Variants in OPRK1 observed in about 807,000 individuals in gnomAD.
OPRK1 encodes kappa-type opioid receptor.
In OPRK1, 15 loss-of-function variants were observed where a neutral mutation model predicts 24.5. The observed-to-expected ratio is 0.61, with a 90% CI of 0.41 to 0.94. OPRK1 has a LOEUF of 0.94. OPRK1 is among the 40% of genes least tolerant of loss of function. OPRK1 has a pLI of 0.00. For synonymous variants in OPRK1, 205 were observed against 198.0 expected, an observed-to-expected ratio of 1.04 and a Z score of -0.30; for missense variants, 479 against 507.3, an observed-to-expected ratio of 0.94 and a Z score of 0.54.
chr8:53,241,864 A>T (rs1477691251), intron 2 of OPRK1, among the ~76,000 whole-genome samples: 1 of 152,212 alleles, frequency 6.6e-6, no homozygotes, highest in Non-Finnish European at 1.5e-5. Flanking sequence ...GGTAACGGGG[A>T]GCGATGATTC....
intron 2 of OPRK1, among the ~76,000 whole-genome samples, chr8:53,244,746 G>A (rs919614300): frequency 2.6e-5 from 4 of 152,188 alleles, no homozygotes; most frequent in African/African-American, 9.7e-5. Context: ...ACTGAAGCTT[G>A]ACAGAGTGTC....
At chr8:53,242,161 G>A (rs533403468) in intron 2 of OPRK1, among the ~76,000 whole-genome samples, 1 of 152,328 alleles carries the variant, frequency 6.6e-6, no homozygotes, top group Non-Finnish European at 1.5e-5. Context: ...GTCAAAGCAA[G>A]CCACAGAGCG....
intron 2 of OPRK1, among the ~76,000 whole-genome samples, chr8:53,237,045 T>C (rs1202066955): frequency 1.3e-5 from 2 of 152,174 alleles, no homozygotes; most frequent in African/African-American, 4.8e-5. Context: ...CTATAATATT[T>C]ATCTCATAGA....
intron 2 of OPRK1, among the ~76,000 whole-genome samples, chr8:53,247,990 CAAAAAAA>C (rs767911838): frequency 4.9e-4 from 16 of 32,336 alleles, no homozygotes; most frequent in East Asian, 9.0e-4. Context: ...GATTCTGTCT[CAAAAAAA>C]AAAAAAAAAA....
chr8:53,235,064 G>A lies in OPRK1; in HGVS notation c.305C>T (p.Ala102Val). 1.2e-6 allele frequency: 2 copies of A among 1,614,204 alleles called. No homozygotes were observed. The highest frequency in any genetic ancestry group is 2.2e-5 in the South Asian group (2 of 91,084). ...TATNIYIFNL[A>V]LADALVTTTM... Reference sequence around the variant, plus strand: ...TGTAGTAACTAAAGCATCTGCCAAAGCCAGGTTAAATATGTAAATGTTGGT... The same window carrying A: ...TGTAGTAACTAAAGCATCTGCCAAAACCAGGTTAAATATGTAAATGTTGGT... Residue 102 changes from alanine (A) to valine (V), a missense_variant, in exon 3 of 4, where the codon GCT (alanine) becomes GTT (valine). Physicochemically the swap from Ala to Val is moderately conservative, Grantham distance 64 (BLOSUM62 0). Coordinates refer to ENST00000265572, the MANE Select transcript of OPRK1 (RefSeq NM_000912.5).
Position 53,232,467 on chromosome 8 carries a change from C to T in OPRK1, c.610+2292G>A, listed in dbSNP as rs189643858. On this transcript the variant is annotated intron_variant, in intron 3 of 3. Transcript: ENST00000265572. ...CCCAATTACCCTAATTTGATCATTA[C>T]ACATTGTATGCTTGTATCAAAATAG... Among the ~76,000 whole-genome samples, 365 of 152,278 alleles carry T rather than the reference C, an allele frequency of 2.4e-3. 1 individual carries two copies. The highest frequency in any genetic ancestry group is 8.5e-3 in the African/African-American group (354 of 41,550).
chr8:53,249,188 G>A (rs1807307699), intron 2 of OPRK1, among the ~76,000 whole-genome samples: 2 of 152,060 alleles, frequency 1.3e-5, no homozygotes, highest in Non-Finnish European at 2.9e-5. Context: ...ATATGTATCT[G>A]TTTTACTTGA....
chr8:53,234,731 A>G (rs1806947080), intron 3 of OPRK1, 28 bp downstream of exon 3: 1 of 1,569,208 alleles, frequency 6.4e-7, no homozygotes, highest in Non-Finnish European at 8.7e-7. Flanking sequence ...CTACATTTTT[A>G]TGAACAGAAT....
chr8:53,246,319 C>A (rs1807226925), intron 2 of OPRK1, among the ~76,000 whole-genome samples: 1 of 152,100 alleles, frequency 6.6e-6, no homozygotes, highest in South Asian at 2.1e-4. Context: ...GGTGAAGGAG[C>A]ATCAGGGGGA....
intron 2 of OPRK1, among the ~76,000 whole-genome samples, chr8:53,244,928 T>C (rs1807195201): frequency 6.6e-6 from 1 of 152,186 alleles, no homozygotes; most frequent in Non-Finnish European, 1.5e-5. Flanking sequence ...CCAAAATCCA[T>C]GGATGCTCCA....
chr8:53,238,269 AC>A (rs1807039473), intron 2 of OPRK1, among the ~76,000 whole-genome samples: 6 of 152,218 alleles, frequency 3.9e-5, no homozygotes, highest in Admixed American at 3.9e-4. Flanking sequence ...ACACTGCTTT[AC>A]AAAAATTCAC....
chr8:53,244,352 G>A (rs1210316347), intron 2 of OPRK1, among the ~76,000 whole-genome samples: 1 of 152,244 alleles, frequency 6.6e-6, no homozygotes, highest in East Asian at 1.9e-4. Flanking sequence ...CGCCTAGCAA[G>A]CTTGGGTGAG....
intron 2 of OPRK1, among the ~76,000 whole-genome samples, chr8:53,239,840 A>C (rs1807075497): frequency 6.6e-6 from 1 of 152,190 alleles, no homozygotes; most frequent in Non-Finnish European, 1.5e-5. Context: ...CTTTCTTCTG[A>C]AGAGAAAAAG....
In OPRK1 at chr8:53,226,158, C is replaced by T. The variant is rs1806678960; in HGVS notation, c.*3139G>A. On this transcript the variant is annotated 3_prime_UTR_variant, in exon 4 of 4. Transcript: ENST00000265572. ...CTTAGTAATATATCACAGAATAGAACCATTTTCTTAAGATTTTATGTGACT... is the reference window on the plus strand; with the variant it reads ...CTTAGTAATATATCACAGAATAGAATCATTTTCTTAAGATTTTATGTGACT... 6.6e-6 allele frequency: 1 copy of T among 152,034 alleles called. No individual in the cohort carries two copies. The highest frequency in any genetic ancestry group is 1.5e-5 in the Non-Finnish European group (1 of 68,006). The allele number at this position is 152,034 out of a possible 1,614,324, so 9.4% of individuals were successfully genotyped here.
chr8:53,240,956 A>C (rs1807099249), intron 2 of OPRK1, among the ~76,000 whole-genome samples: 1 of 152,148 alleles, frequency 6.6e-6, no homozygotes, highest in African/African-American at 2.4e-5. Flanking sequence ...TGTTTAATAT[A>C]TGTAATTTTT....
At chr8:53,244,844 G>A (rs1183775610) in intron 2 of OPRK1, among the ~76,000 whole-genome samples, 1 of 152,172 alleles carries the variant, frequency 6.6e-6, no homozygotes, top group East Asian at 1.9e-4. Flanking sequence ...CTAAACCCCA[G>A]TACTTCAGAA....
At chr8:53,245,861 T>A (rs1563331195) in intron 2 of OPRK1, among the ~76,000 whole-genome samples, 1 of 152,076 alleles carries the variant, frequency 6.6e-6, no homozygotes, top group African/African-American at 2.4e-5. Context: ...TGGGGCCTGA[T>A]CCAATCAGTG....
chr8:53,240,953 T>C (rs1260512317), intron 2 of OPRK1, among the ~76,000 whole-genome samples: 2 of 152,196 alleles, frequency 1.3e-5, no homozygotes, highest in Non-Finnish European at 2.9e-5. Flanking sequence ...GCATGTTTAA[T>C]ATATGTAATT....
At chr8:53,246,985 C>G (rs1262207828) in intron 2 of OPRK1, among the ~76,000 whole-genome samples, 5 of 152,140 alleles carry the variant, frequency 3.3e-5, no homozygotes, top group Non-Finnish European at 7.4e-5. Context: ...TGGTGACTGT[C>G]TTGACAAAAA....
Sources: gnomAD v4.1 joint callset for allele counts (sites outside exome capture counted in the v4.1 genomes callset) on GRCh38, gnomAD v4.1.1 for gene constraint, MANE v1.5 for transcripts, NCBI Gene and HGNC (gene_info 2026-07-23, HGNC 2026-07-21) for gene names.